AGR2: variants seen among roughly 807,000 people sequenced by gnomAD.
AGR2 encodes the protein anterior gradient 2, protein disulphide isomerase family member.
AGR2 carries 27 observed loss-of-function variants against 25.9 expected under a neutral mutation model. That is an observed-to-expected ratio of 1.04 (90% CI 0.77 to 1.44). The LOEUF (loss-of-function observed/expected upper bound fraction) is 1.44, where lower values mean the gene tolerates loss of function less well. Ranked by LOEUF, AGR2 falls within the 40% of genes most tolerant of loss-of-function variation. The pLI is 0.00. For missense variants in AGR2, 182 were observed against 200.9 expected (o/e 0.91, Z 0.57); for synonymous variants, 78 against 72.0 (o/e 1.08, Z -0.42).
At chr7:16,800,634 G>A (rs959847294) in intron 4 of AGR2, among the ~76,000 whole-genome samples, 1 of 152,206 alleles carries the variant, frequency 6.6e-6, no homozygotes, top group Non-Finnish European at 1.5e-5. Context: ...TGTTATGGTA[G>A]TCTAGACAAG....
At chr7:16,796,394 C>T (rs1226575277) in intron 6 of AGR2, among the ~76,000 whole-genome samples, 1 of 152,186 alleles carries the variant, frequency 6.6e-6, no homozygotes, top group Admixed American at 6.5e-5. Context: ...AAAATTAGTG[C>T]TTTAGTTCAG....
chr7:16,796,787 C>G (rs1009914881), intron 6 of AGR2, among the ~76,000 whole-genome samples: 2 of 152,098 alleles, frequency 1.3e-5, no homozygotes, highest in Non-Finnish European at 2.9e-5. Context: ...GGATTTGACT[C>G]GGTCAATGAA....
At chr7:16,798,844 T>C (rs942026718) in intron 5 of AGR2, among the ~76,000 whole-genome samples, 7 of 152,168 alleles carry the variant, frequency 4.6e-5, no homozygotes, top group South Asian at 2.1e-4. Context: ...AGAAGAGCTA[T>C]TGGAAAAGCG....
At chr7:16,799,297 G>C (rs528603043) in intron 5 of AGR2, among the ~76,000 whole-genome samples, 1 of 152,288 alleles carries the variant, frequency 6.6e-6, no homozygotes, top group Admixed American at 6.5e-5. Flanking sequence ...TGCCGAGACA[G>C]AAAGCTTGAG....
intron 1 of AGR2, among the ~76,000 whole-genome samples, chr7:16,803,928 T>A: frequency 6.6e-6 from 1 of 152,316 alleles, no homozygotes. Flanking sequence ...CATCTATATA[T>A]ATTCTAAAAA....
In AGR2 at chr7:16,801,687, C is replaced by G. The variant is rs372556930; in HGVS notation, c.110G>C (p.Arg37Pro). 1.2e-6 allele frequency: 2 copies of G among 1,613,334 alleles called. No individual in the cohort carries two copies. Among genetic ancestry groups the G allele is most frequent in the East Asian group, 2.2e-5 (1 of 44,856 alleles). Residue 37 changes from arginine to proline, a missense_variant, in exon 2 of 8, where the codon CGA becomes CCA. Coordinates refer to ENST00000419304, the MANE Select transcript of AGR2 (RefSeq NM_006408.4). The stretch of plus-strand genomic sequence containing the variant: ...GGAGAGGGTCTGGGGCAGTTTGGGT[C>G]GAGAGTCCTTTGTGTCCTTTTTGGC... ...PGAKKDTKDS[R>P]PKLPQTLSRG...
At chr7:16,797,550 C>G in intron 6 of AGR2, 81 bp downstream of exon 6, 1 of 1,264,552 alleles carries the variant, frequency 7.9e-7, no homozygotes, top group South Asian at 1.3e-5. Flanking sequence ...GGCAACGTGG[C>G]AAGGGACAGT....
At chr7:16,794,519 T>C (rs1371003488) in intron 7 of AGR2, among the ~76,000 whole-genome samples, 1 of 152,220 alleles carries the variant, frequency 6.6e-6, no homozygotes, top group Non-Finnish European at 1.5e-5. Flanking sequence ...AACTGATCTT[T>C]AAACTGAACC....
chr7:16,796,152 T>C (rs1785041733), intron 6 of AGR2, among the ~76,000 whole-genome samples: 1 of 152,182 alleles, frequency 6.6e-6, no homozygotes, highest in African/African-American at 2.4e-5. Context: ...ACTTGATCTT[T>C]AAAATCCTCC....
At chr7:16,801,276 C>G (rs898977343) in intron 3 of AGR2, 44 bp downstream of exon 3, 1 of 1,608,260 alleles carries the variant, frequency 6.2e-7, no homozygotes, top group East Asian at 2.2e-5. Flanking sequence ...CTAGGTGGTG[C>G]TCTTGAGAGC....
chr7:16,802,923 C>T (rs940817534), intron 1 of AGR2, among the ~76,000 whole-genome samples: 1 of 152,062 alleles, frequency 6.6e-6, no homozygotes, highest in Non-Finnish European at 1.5e-5. Context: ...ACCTCCACCT[C>T]CTGGGTTCAA....
At chr7:16,797,889 T>C (rs758383628) in intron 5 of AGR2, among the ~76,000 whole-genome samples, 195 bp from the exon 6 acceptor site, 3 of 152,070 alleles carry the variant, frequency 2.0e-5, no homozygotes, top group Admixed American at 6.5e-5. Context: ...GAACATGAGA[T>C]AAAGTGCTGA....
At chr7:16,793,084 T>C (rs1179930687) in intron 7 of AGR2, 127 bp from the exon 8 acceptor site, 7 of 843,662 alleles carry the variant, frequency 8.3e-6, no homozygotes, top group South Asian at 1.6e-5. Flanking sequence ...AAGGTCTCAC[T>C]CCCACTCAGG....
intron 6 of AGR2, among the ~76,000 whole-genome samples, chr7:16,797,157 A>C (rs891020614): frequency 6.6e-6 from 1 of 152,014 alleles, no homozygotes; most frequent in Non-Finnish European, 1.5e-5. Context: ...GGAGCTCCTG[A>C]CCTCAAGTGA....
rs189044366 is a variant in AGR2 at position 16,797,930 on chromosome 7, G to T, written c.331-236C>A. Among the ~76,000 whole-genome samples, 77 of 152,282 alleles carry T rather than the reference G, an allele frequency of 5.1e-4. No individual in the cohort carries two copies. The East Asian group carries it at 6.4e-3, about 13-fold the overall frequency. ...TGTGATAAAGAGCAAAAAAATTAAG[G>T]GAGAATTTGGAAGGAGTTACTGTGT... is the stretch of plus-strand genomic sequence containing the variant. On this transcript the variant is annotated intron_variant, in intron 5 of 7. Coordinates refer to ENST00000419304, the MANE Select transcript of AGR2 (RefSeq NM_006408.4).
At chr7:16,800,517 T>C (rs953233845) in intron 4 of AGR2, among the ~76,000 whole-genome samples, 6 of 152,208 alleles carry the variant, frequency 3.9e-5, no homozygotes, top group Admixed American at 6.5e-5. Context: ...GATTTAGTTC[T>C]GTGATAAGAA....
At chr7:16,794,830 C>G in intron 7 of AGR2, 106 bp downstream of exon 7, 3 of 1,577,458 alleles carry the variant, frequency 1.9e-6, no homozygotes, top group African/African-American at 1.4e-5. Context: ...CGAGGCGTCC[C>G]TAAGCCTAGC....
chr7:16,798,487 T>C (rs899832036), intron 5 of AGR2, among the ~76,000 whole-genome samples: 1 of 152,190 alleles, frequency 6.6e-6, no homozygotes, highest in Non-Finnish European at 1.5e-5. Flanking sequence ...GGAATGACTT[T>C]GCACACCATG....
rs568104660 is a variant in AGR2 at position 16,800,186 on chromosome 7, T to C, written c.257-369A>G. ...GACAAACCATAAACAAAGAAATAAG[T>C]AGATGATACTTTCAGGTAGAGATAT... On this transcript the variant is annotated intron_variant, in intron 4 of 7. Coordinates refer to ENST00000419304, the MANE Select transcript of AGR2 (RefSeq NM_006408.4). Among the ~76,000 whole-genome samples the C allele has an allele frequency of 1.9e-4, 29 of 152,292 alleles. No homozygotes were observed. In the South Asian group the frequency reaches 6.0e-3, roughly 32 times the overall value.
Sources: gnomAD v4.1 joint callset for allele counts (sites outside exome capture counted in the v4.1 genomes callset) on GRCh38, gnomAD v4.1.1 for gene constraint, MANE v1.5 for transcripts, NCBI Gene and HGNC (gene_info 2026-07-23, HGNC 2026-07-21) for gene names.